Variants in VPS13B observed in about 807,000 individuals in gnomAD.
VPS13B encodes vacuolar protein sorting 13 homolog B.
Under a neutral mutation model 426.4 loss-of-function variants are expected in VPS13B, and 285 were observed. The ratio of observed to expected loss-of-function variants is 0.67; its 90% CI spans 0.61 to 0.74. The LOEUF (loss-of-function observed/expected upper bound fraction) is 0.74, where lower values mean the gene tolerates loss of function less well. VPS13B is among the 30% of genes least tolerant of loss of function. The pLI is 0.00. For synonymous variants in VPS13B, 1,676 were observed against 1,676.4 expected (o/e 1.00, Z 0.01); for missense variants, 4,537 against 4,782.6 (o/e 0.95, Z 1.51).
At chr8:99,834,545 T>A (rs1008111622) in intron 52 of VPS13B, among the ~76,000 whole-genome samples, 11 of 146,392 alleles carry the variant, frequency 7.5e-5, no homozygotes, top group South Asian at 2.2e-4. Context: ...TTTTATTTTT[T>A]ATTTTTTTTG....
chr8:99,491,730 G>A (rs1236448145), intron 25 of VPS13B, among the ~76,000 whole-genome samples: 1 of 152,096 alleles, frequency 6.6e-6, no homozygotes, highest in Admixed American at 6.6e-5. Flanking sequence ...TTAAGGTCTT[G>A]TCTACACTGT....
chr8:99,747,906 A>G (rs1275068067), intron 39 of VPS13B, among the ~76,000 whole-genome samples: 1 of 151,936 alleles, frequency 6.6e-6, no homozygotes, highest in Non-Finnish European at 1.5e-5. Context: ...GCAACAACTG[A>G]GAAGGTTCCT....
rs762975889 is a variant in VPS13B at position 99,819,918 on chromosome 8, C to G, written c.8793-3C>G. On this transcript the variant is annotated splice_polypyrimidine_tract_variant and splice_region_variant and intron_variant, in intron 48 of 61. Transcript: ENST00000357162. ...AGTCTCTTGGATGTGGTTTTTGGAACAGGAATGAACAGCTAAGTCAGTGGG... is the reference window on the plus strand; with the variant it reads ...AGTCTCTTGGATGTGGTTTTTGGAAGAGGAATGAACAGCTAAGTCAGTGGG... 2.5e-6 allele frequency: 4 copies of G among 1,613,694 alleles called. No individual in the cohort carries two copies. The highest frequency in any genetic ancestry group is 2.2e-5 in the East Asian group (1 of 44,866).
intron 30 of VPS13B, among the ~76,000 whole-genome samples, chr8:99,522,035 C>A (rs1455372134): frequency 1.3e-5 from 2 of 152,072 alleles, no homozygotes; most frequent in South Asian, 4.2e-4. Flanking sequence ...GAGCAGAAAG[C>A]GTCTTTAGGA....
intron 17 of VPS13B, among the ~76,000 whole-genome samples, chr8:99,264,426 A>G (rs1486080820): frequency 6.6e-6 from 1 of 151,976 alleles, no homozygotes; most frequent in Non-Finnish European, 1.5e-5. Flanking sequence ...TAGGAAGTAA[A>G]CTTTTTTCAG....
chr8:99,636,091 T>C (rs1481924185), intron 33 of VPS13B, among the ~76,000 whole-genome samples: 1 of 151,966 alleles, frequency 6.6e-6, no homozygotes, highest in Non-Finnish European at 1.5e-5. Flanking sequence ...ACTTGACATG[T>C]TTTCCTAGCT....
chr8:99,591,750 G>T (rs1826689374), intron 33 of VPS13B, among the ~76,000 whole-genome samples: 2 of 151,484 alleles, frequency 1.3e-5, no homozygotes, highest in African/African-American at 2.4e-5. Context: ...TCGCTTTGTG[G>T]GTAACCCGAC....
rs964353580 is a variant in VPS13B, at chr8:99,458,925, T to C, written c.3446-8489T>C. On this transcript the variant is annotated intron_variant, in intron 23 of 61. Coordinates refer to ENST00000357162, the MANE Select transcript of VPS13B (RefSeq NM_152564.5). Reference sequence around the variant, plus strand: ...CAGTGCAGAAGCTCTTTAGTTTAATTAGATCCCATTTGTCAATTTTGGCTT... The same window carrying C: ...CAGTGCAGAAGCTCTTTAGTTTAATCAGATCCCATTTGTCAATTTTGGCTT... Among the ~76,000 whole-genome samples, 5 of 152,174 alleles carry C rather than the reference T, an allele frequency of 3.3e-5. 1 individual carries two copies. The highest frequency in any genetic ancestry group is 3.3e-4 in the Admixed American group (5 of 15,274).
At chr8:99,700,059 G>C in intron 36 of VPS13B, 127 bp downstream of exon 36, 81 of 1,112,332 alleles carry the variant, frequency 7.3e-5, no homozygotes, top group Non-Finnish European at 9.6e-5. Context: ...TTAGAGATGA[G>C]GACATTTCTG....
At chr8:99,462,585 A>G (rs1159297269) in intron 23 of VPS13B, among the ~76,000 whole-genome samples, 1 of 152,148 alleles carries the variant, frequency 6.6e-6, no homozygotes, top group Non-Finnish European at 1.5e-5. Context: ...AGATTTTCAC[A>G]TACCTGACTT....
intron 49 of VPS13B, among the ~76,000 whole-genome samples, 166 bp downstream of exon 49, chr8:99,820,288 A>G (rs1814286230): frequency 6.6e-6 from 1 of 151,914 alleles, no homozygotes; most frequent in African/African-American, 2.4e-5. Context: ...GACTTTTCTG[A>G]TGTCTTTTTT....
chr8:99,609,437 A>G (rs1827747263), intron 33 of VPS13B, among the ~76,000 whole-genome samples: 1 of 152,216 alleles, frequency 6.6e-6, no homozygotes, highest in African/African-American at 2.4e-5. Flanking sequence ...ATCATTGGCA[A>G]CAAACGCTAT....
At chr8:99,519,670 GA>G (rs1387486889) in intron 29 of VPS13B, among the ~76,000 whole-genome samples, 5 of 152,000 alleles carry the variant, frequency 3.3e-5, no homozygotes, top group Admixed American at 1.3e-4. Flanking sequence ...GATGAAGCTG[GA>G]AACCATCATT....
At chr8:99,515,270 T>C (rs1307799708) in intron 29 of VPS13B, among the ~76,000 whole-genome samples, 2 of 152,234 alleles carry the variant, frequency 1.3e-5, no homozygotes, top group African/African-American at 4.8e-5. Context: ...CACAGTTTTA[T>C]TGTTTCCCAT....
chr8:99,530,842 C>G (rs549835345), intron 30 of VPS13B, among the ~76,000 whole-genome samples: 1 of 152,068 alleles, frequency 6.6e-6, no homozygotes, highest in Non-Finnish European at 1.5e-5. Context: ...CTAGGCCACA[C>G]GTAATAAGTG....
intron 24 of VPS13B, 56 bp downstream of exon 24, chr8:99,467,690 TG>T (rs1819184237): frequency 6.4e-7 from 1 of 1,552,586 alleles, no homozygotes; most frequent in Admixed American, 1.7e-5. Context: ...TAAAAGCAAT[TG>T]TTATCCATTT....
chr8:99,490,605 C>T (rs923924416), intron 25 of VPS13B, among the ~76,000 whole-genome samples: 2 of 152,090 alleles, frequency 1.3e-5, no homozygotes, highest in African/African-American at 2.4e-5. Context: ...TTCAGAGATT[C>T]GACTTCTTCC....
intron 16 of VPS13B, among the ~76,000 whole-genome samples, chr8:99,181,099 A>G (rs1253591843): frequency 1.3e-5 from 2 of 152,134 alleles, no homozygotes; most frequent in Non-Finnish European, 2.9e-5. Flanking sequence ...AATGACCAAT[A>G]ATTAGTTATG....
intron 25 of VPS13B, among the ~76,000 whole-genome samples, chr8:99,499,453 G>A (rs1173229354): frequency 6.6e-6 from 1 of 152,040 alleles, no homozygotes; most frequent in East Asian, 1.9e-4. Context: ...TCCATCCTTG[G>A]AATATGATAT....
Sources: gnomAD v4.1 joint callset for allele counts (sites outside exome capture counted in the v4.1 genomes callset) on GRCh38, gnomAD v4.1.1 for gene constraint, MANE v1.5 for transcripts, NCBI Gene and HGNC (gene_info 2026-07-23, HGNC 2026-07-21) for gene names.